The following ZNF525 variants were observed in gnomAD, a reference collection of about 807,000 sequenced individuals.
ZNF525 encodes the protein zinc finger protein 525.
ZNF525 carries 33 observed loss-of-function variants against 37.6 expected under a neutral mutation model. The observed-to-expected ratio is 0.88, with a 90% confidence interval of 0.67 to 1.17. The LOEUF is 1.17. Among genes scored for constraint, ZNF525 ranks in the 50% most tolerant of loss-of-function variants. ZNF525 has a pLI of 0.00. For synonymous variants in ZNF525, 170 were observed against 182.3 expected (o/e 0.93, Z 0.54); for missense variants, 449 against 543.1 (o/e 0.83, Z 1.72).
chr19:53,377,520 T>A (rs956620344), intron 3 of ZNF525, among the ~76,000 whole-genome samples: 3 of 151,996 alleles, frequency 2.0e-5, no homozygotes, highest in African/African-American at 7.2e-5. Context: ...TTATATATAT[T>A]TGTGGGTTGG....
At position 53,385,058 on chromosome 19, in the gene ZNF525, T is replaced by C; in HGVS notation, c.*3039T>C. On this transcript the variant is annotated 3_prime_UTR_variant, in exon 4 of 4. Transcript: ENST00000474037. ...GTGGTTTTAATCTTTCATTCTGTTCTAGTGGTATATAACATTGATTTGCTT... is the reference window on the plus strand; with the variant it reads ...GTGGTTTTAATCTTTCATTCTGTTCCAGTGGTATATAACATTGATTTGCTT... 1.5e-6 allele frequency: 1 copy of C among 683,452 alleles called. No individual in the cohort carries two copies. Among genetic ancestry groups the C allele is most frequent in the Admixed American group, 2.2e-5 (1 of 45,552 alleles). The allele number at this position is 683,452 out of a possible 1,614,324, so 42.3% of individuals were successfully genotyped here. A position where few individuals can be genotyped will look rare whatever the true frequency, so the allele number is the denominator to read the frequency against.
At position 53,368,877 on chromosome 19, in the gene ZNF525, G is replaced by A. The variant is rs527874194; in HGVS notation, c.-68+3118G>A. On this transcript the variant is annotated intron_variant, in intron 1 of 3. Transcript: ENST00000474037. ...TTTTGTTTCACAATCTGGTTTTACC[G>A]GCATTTTGGTAAGCATGATTGTCCT... 3.3e-5 allele frequency among the ~76,000 whole-genome samples: 5 copies of A among 152,146 alleles called. No individual in the cohort carries two copies. The East Asian group carries it at 9.7e-4, about 29-fold the overall frequency.
Position 53,383,627 on chromosome 19 carries a change from A to G in ZNF525, c.*1608A>G. On this transcript the variant is annotated 3_prime_UTR_variant, in exon 4 of 4. Coordinates refer to ENST00000474037, the MANE Select transcript of ZNF525 (RefSeq NM_001348156.2). Reference sequence around the variant, plus strand: ...GTCAACACTTATTCACCATCAGGCAATCCGTAGTGTAGGGAAACTTGACTA... The same window carrying G: ...GTCAACACTTATTCACCATCAGGCAGTCCGTAGTGTAGGGAAACTTGACTA... 2 of 1,263,416 alleles carry G rather than the reference A, an allele frequency of 1.6e-6. No individual in the cohort carries two copies. Among genetic ancestry groups the G allele is most frequent in the Non-Finnish European group, 2.2e-6 (2 of 918,472 alleles). 78.3% of individuals were successfully genotyped at this position (1,263,416 alleles called of 1,614,324 possible). A position where few individuals can be genotyped will look rare whatever the true frequency, so the allele number is the denominator to read the frequency against.
In ZNF525 at chr19:53,383,828, A is replaced by G; in HGVS notation, c.*1809A>G. On this transcript the variant is annotated 3_prime_UTR_variant, in exon 4 of 4. Coordinates refer to ENST00000474037, the MANE Select transcript of ZNF525 (RefSeq NM_001348156.2). ...TGGAGAGAAATCTTACAATGTCATG[A>G]TTGTGGCAAGGTCTTCAGTCAAGCT... 1.8e-6 allele frequency: 1 copy of G among 550,484 alleles called. No individual in the cohort carries two copies. The highest frequency in any genetic ancestry group is 3.5e-6 in the Non-Finnish European group (1 of 289,008). The allele number at this position is 550,484 out of a possible 1,614,324, so 34.1% of individuals were successfully genotyped here.
At chr19:53,380,526 C>A (rs1384747972) in intron 3 of ZNF525, among the ~76,000 whole-genome samples, 196 bp from the exon 4 acceptor site, 1 of 152,148 alleles carries the variant, frequency 6.6e-6, no homozygotes, top group African/African-American at 2.4e-5. Flanking sequence ...TTTAGGCTTA[C>A]ACATGTTTGT....
chr19:53,372,606 A>C (rs1340776191), intron 2 of ZNF525, among the ~76,000 whole-genome samples: 1 of 152,156 alleles, frequency 6.6e-6, no homozygotes. Context: ...CCACATCTGG[A>C]TGCACTGTCA....
At chr19:53,370,614 C>T (rs1291128787) in intron 1 of ZNF525, among the ~76,000 whole-genome samples, 1 of 151,856 alleles carries the variant, frequency 6.6e-6, no homozygotes, top group African/African-American at 2.4e-5. Flanking sequence ...CTGGGTGTGG[C>T]TTTTCTTCTG....
Position 53,369,885 on chromosome 19 carries a change from C to T in ZNF525, c.-67-2330C>T, listed in dbSNP as rs567292651. Among the ~76,000 whole-genome samples the T allele has an allele frequency of 8.3e-5, 12 of 143,948 alleles. No homozygotes were observed. In the East Asian group the frequency reaches 2.1e-3, roughly 25 times the overall value. The allele number at this position is 143,948 out of a possible 152,430, so 94.4% of individuals were successfully genotyped here. A position where few individuals can be genotyped will look rare whatever the true frequency, so the allele number is the denominator to read the frequency against. ...GACTACAGGCGCCCGCCACCACGCC[C>T]AGCTAATTTTTTGTATTTTTAGTAG... On this transcript the variant is annotated intron_variant, in intron 1 of 3. Transcript: ENST00000474037.
chr19:53,374,372 G>A (rs1204191914), intron 2 of ZNF525, among the ~76,000 whole-genome samples: 2 of 152,168 alleles, frequency 1.3e-5, no homozygotes, highest in Non-Finnish European at 2.9e-5. Flanking sequence ...CATCTGCGTT[G>A]GAAATTAGCT....
chr19:53,383,635 T>C lies in ZNF525; in HGVS notation c.*1616T>C, dbSNP rs1412719675. ...TTATTCACCATCAGGCAATCCGTAGTGTAGGGAAACTTGACTAACGTAATG... is the reference window on the plus strand; with the variant it reads ...TTATTCACCATCAGGCAATCCGTAGCGTAGGGAAACTTGACTAACGTAATG... On this transcript the variant is annotated 3_prime_UTR_variant, in exon 4 of 4. Coordinates refer to ENST00000474037, the MANE Select transcript of ZNF525 (RefSeq NM_001348156.2). The C allele has an allele frequency of 5.1e-5, 61 of 1,193,674 alleles. No individual in the cohort carries two copies. Among genetic ancestry groups the C allele is most frequent in the Admixed American group, 1.3e-4 (6 of 45,146 alleles). 73.9% of individuals were successfully genotyped at this position (1,193,674 alleles called of 1,614,324 possible). A position where few individuals can be genotyped will look rare whatever the true frequency, so the allele number is the denominator to read the frequency against.
rs775597187 is a variant in ZNF525 at position 53,381,327 on chromosome 19, A to C, written c.748A>C (p.Lys250Gln). 3.9e-6 allele frequency: 6 copies of C among 1,533,672 alleles called. No homozygotes were observed. In the South Asian group the frequency reaches 5.6e-5, roughly 14 times the overall value. The stretch of plus-strand genomic sequence containing the variant: ...ACAATATAAATGTGATGTATGTGAC[A>C]AGGTCTTTATTCGGAAGCGATACCT... Reference protein sequence around the residue: ...EKQYKCDVCDKVFIRKRYLAR... With the variant: ...EKQYKCDVCDQVFIRKRYLAR... The change falls in exon 4 of 4, where the codon AAG becomes CAG. Residue 250 changes from lysine to glutamine, a missense_variant. By Grantham distance (53) the Lys-to-Gln change is moderately conservative (BLOSUM62 1). Coordinates refer to ENST00000474037, the MANE Select transcript of ZNF525 (RefSeq NM_001348156.2).
At chr19:53,378,468 C>G (rs796896748) in intron 3 of ZNF525, among the ~76,000 whole-genome samples, 10 of 152,180 alleles carry the variant, frequency 6.6e-5, no homozygotes, top group African/African-American at 2.4e-4. Flanking sequence ...GCGGGAGAAT[C>G]TCTTGAGGCA....
chr19:53,375,515 G>T (rs542589465), intron 2 of ZNF525, among the ~76,000 whole-genome samples: 1 of 152,164 alleles, frequency 6.6e-6, no homozygotes, highest in South Asian at 2.1e-4. Flanking sequence ...ATCCTGGGAG[G>T]TGGAGGTTGC....
intron 2 of ZNF525, among the ~76,000 whole-genome samples, chr19:53,373,583 G>T (rs2085502266): frequency 6.6e-6 from 1 of 152,052 alleles, no homozygotes; most frequent in African/African-American, 2.4e-5. Flanking sequence ...TCGGTGTCAG[G>T]TGTCAGGTGT....
At position 53,386,504 on chromosome 19, in the gene ZNF525, A is replaced by G. The variant is rs1040180028; in HGVS notation, c.*4485A>G. 1.2e-5 allele frequency: 7 copies of G among 585,112 alleles called. No individual in the cohort carries two copies. The highest frequency in any genetic ancestry group is 3.1e-5 in the East Asian group (1 of 32,342). 36.2% of individuals were successfully genotyped at this position (585,112 alleles called of 1,614,324 possible). ...GACAGTTGGACATGTTTTATTGGGA[A>G]TATGTTTTTTCTCTGTAAATTTGTT... is the stretch of plus-strand genomic sequence containing the variant. On this transcript the variant is annotated 3_prime_UTR_variant, in exon 4 of 4. Transcript: ENST00000474037.
intron 1 of ZNF525, among the ~76,000 whole-genome samples, chr19:53,370,466 C>T (rs1403648274): frequency 6.6e-6 from 1 of 151,432 alleles, no homozygotes; most frequent in Non-Finnish European, 1.5e-5. Context: ...CTCAGACCTT[C>T]TCAGGGTAAC....
rs1301794252 is a variant in ZNF525 at position 53,383,217 on chromosome 19, A to G, written c.*1198A>G. 6.3e-6 allele frequency: 9 copies of G among 1,420,626 alleles called. No homozygotes were observed. Among genetic ancestry groups the G allele is most frequent in the South Asian group, 1.1e-5 (1 of 87,808 alleles). The allele number at this position is 1,420,626 out of a possible 1,614,324, so 88.0% of individuals were successfully genotyped here. A position where few individuals can be genotyped will look rare whatever the true frequency, so the allele number is the denominator to read the frequency against. ...GTCCTTGTAATTCATAAGACAATTC[A>G]CACTGGGGAGAAACCTTACAAGTGT... On this transcript the variant is annotated 3_prime_UTR_variant, in exon 4 of 4. Coordinates refer to ENST00000474037, the MANE Select transcript of ZNF525 (RefSeq NM_001348156.2).
At position 53,385,178 on chromosome 19, in the gene ZNF525, G is replaced by A; in HGVS notation, c.*3159G>A. On this transcript the variant is annotated 3_prime_UTR_variant, in exon 4 of 4. Coordinates refer to ENST00000474037, the MANE Select transcript of ZNF525 (RefSeq NM_001348156.2). ...TCTTGAATACAGTTTTCTAGGACAA[G>A]GGATCTTCAAGAAGTTCTGGAAAAA... is the stretch of plus-strand genomic sequence containing the variant. 2.0e-6 allele frequency: 1 copy of A among 495,622 alleles called. No individual in the cohort carries two copies. The highest frequency in any genetic ancestry group is 3.5e-6 in the Non-Finnish European group (1 of 281,876). The allele number at this position is 495,622 out of a possible 1,614,324, so 30.7% of individuals were successfully genotyped here.
Position 53,383,740 on chromosome 19 carries a change from T to A in ZNF525, c.*1721T>A. ...ATAATGAAGAGAGATCTTACAAATG[T>A]AATAATTGTGGCAAATTTTTCAGAC... On this transcript the variant is annotated 3_prime_UTR_variant, in exon 4 of 4. Coordinates refer to ENST00000474037, the MANE Select transcript of ZNF525 (RefSeq NM_001348156.2). The A allele has an allele frequency of 1.7e-6, 1 of 603,142 alleles. No individual in the cohort carries two copies. The allele number at this position is 603,142 out of a possible 1,614,324, so 37.4% of individuals were successfully genotyped here.
Sources: gnomAD v4.1 joint callset for allele counts (sites outside exome capture counted in the v4.1 genomes callset) on GRCh38, gnomAD v4.1.1 for gene constraint, MANE v1.5 for transcripts, NCBI Gene and HGNC (gene_info 2026-07-23, HGNC 2026-07-21) for gene names.